Variants in SPG11 observed in about 807,000 individuals in gnomAD.
SPG11 encodes spatacsin.
SPG11 carries 222 observed loss-of-function variants against 274.0 expected under a neutral mutation model. The observed-to-expected ratio is 0.81, with a 90% CI of 0.73 to 0.91. SPG11 has a LOEUF of 0.91. SPG11 is among the 40% of genes least tolerant of loss of function. The pLI is 0.00. For synonymous variants in SPG11, 1,144 were observed against 1,039.7 expected (o/e 1.10, Z -1.93); for missense variants, 3,114 against 2,872.7 (o/e 1.08, Z -1.92).
chr15:44,569,342 G>C lies in SPG11; in HGVS notation c.6585+56C>G. 2.4e-6 allele frequency: 3 copies of C among 1,249,080 alleles called. No individual in the cohort carries two copies. The East Asian group carries it at 7.4e-5, about 31-fold the overall frequency. The allele number at this position is 1,249,080 out of a possible 1,614,324, so 77.4% of individuals were successfully genotyped here. On this transcript the variant is annotated intron_variant, in intron 35 of 39. Transcript: ENST00000261866. ...TGAGATTATTCCTGAGAAAAGCTGA[G>C]GCTCCTGAATTATCAGCAGTACACC...
At chr15:44,604,200 A>G in intron 20 of SPG11, 1 of 142,546 alleles carries the variant, frequency 7.0e-6, no homozygotes, top group Non-Finnish European at 1.5e-5. Flanking sequence ...CCTGATTCCT[A>G]AAAAAAAAAA....
chr15:44,564,275 G>A (rs545096454), intron 39 of SPG11, among the ~76,000 whole-genome samples: 1 of 152,342 alleles, frequency 6.6e-6, no homozygotes, highest in East Asian at 1.9e-4. Flanking sequence ...TTACAGGCAT[G>A]AGCCACTGGG....
intron 38 of SPG11, among the ~76,000 whole-genome samples, chr15:44,565,274 C>CT (rs1255329201): frequency 2.6e-5 from 4 of 152,172 alleles, no homozygotes; most frequent in African/African-American, 9.7e-5. Flanking sequence ...CCTCAACTGT[C>CT]TTAAGGCAGT....
At position 44,573,580 on chromosome 15, in the gene SPG11, T is replaced by A; in HGVS notation, c.6172A>T (p.Thr2058Ser). 6.2e-7 allele frequency: 1 copy of A among 1,614,164 alleles called. No individual in the cohort carries two copies. The highest frequency in any genetic ancestry group is 2.2e-5 in the East Asian group (1 of 44,874). Residue 2058 changes from threonine (T) to serine (S), a missense_variant, in exon 32 of 40, where the codon ACA becomes TCA. By Grantham distance (58) the Thr-to-Ser change is moderately conservative. Coordinates refer to ENST00000261866, the MANE Select transcript of SPG11 (RefSeq NM_025137.4). ...TVAELVAEEV[T>S]RELLTSSQGT... Reference sequence around the variant, plus strand: ...TGTGATGAAGTAAGCAGCTCCCGTGTCACCTCTTCTGCCACGAGTTCAGCC... The same window carrying A: ...TGTGATGAAGTAAGCAGCTCCCGTGACACCTCTTCTGCCACGAGTTCAGCC...
rs147748770 is a variant in SPG11 at position 44,643,768 on chromosome 15, C to T, written c.1602+5098G>A. On this transcript the variant is annotated intron_variant, in intron 7 of 39. Transcript: ENST00000261866. ...CCAAAAAAACTGAGGAGGAACTCCT[C>T]CCCAACTCATTCTATGAGGCCAGCA... 2.1e-3 allele frequency among the ~76,000 whole-genome samples: 324 copies of T among 152,134 alleles called. 1 individual carries two copies. Among genetic ancestry groups the T allele is most frequent in the African/African-American group, 7.4e-3 (308 of 41,506 alleles).
chr15:44,627,555 GGAAAAAGGAGAC>G (rs2083937797), intron 10 of SPG11, among the ~76,000 whole-genome samples: 2 of 151,704 alleles, frequency 1.3e-5, no homozygotes, highest in East Asian at 3.9e-4. Flanking sequence ...GAAGGAGACA[GGAAAAAGGAGAC>G]AAAAAAGTAG....
chr15:44,652,112 A>G lies in SPG11; in HGVS notation c.1007+17T>C. 1 of 1,614,072 alleles carries G rather than the reference A, an allele frequency of 6.2e-7. No homozygotes were observed. Among genetic ancestry groups the G allele is most frequent in the Non-Finnish European group, 8.5e-7 (1 of 1,179,930 alleles). On this transcript the variant is annotated intron_variant, in intron 5 of 39. Coordinates refer to ENST00000261866, the MANE Select transcript of SPG11 (RefSeq NM_025137.4). ...AAAATAAGAACAATAAACTACATGA[A>G]AAGGAAGTTTCTGTACCTATCAATT...
At chr15:44,597,201 C>T in intron 23 of SPG11, 1 of 356,546 alleles carries the variant, frequency 2.8e-6, no homozygotes, top group Non-Finnish European at 5.3e-6. Context: ...GCAACCTCCG[C>T]CTCCTGGGTT....
At chr15:44,636,937 A>AACAAAC (rs1567180461) in intron 7 of SPG11, among the ~76,000 whole-genome samples, 1 of 119,302 alleles carries the variant, frequency 8.4e-6, no homozygotes, top group Non-Finnish European at 1.8e-5. Context: ...AAAAAAAAAA[A>AACAAAC]AAAAAAAAAA....
rs200320159 is a variant in SPG11 at position 44,652,308 on chromosome 15, T to A, written c.870-42A>T. On this transcript the variant is annotated intron_variant, in intron 4 of 39. Coordinates refer to ENST00000261866, the MANE Select transcript of SPG11 (RefSeq NM_025137.4). Reference sequence around the variant, plus strand: ...TGATAGACATATGAAAAAATGATGATCAAACCCAAATTTGTGTTACTACTG... The same window carrying A: ...TGATAGACATATGAAAAAATGATGAACAAACCCAAATTTGTGTTACTACTG... The A allele has an allele frequency of 3.0e-5, 48 of 1,609,586 alleles. No individual in the cohort carries two copies. The African/African-American group carries it at 5.6e-4, about 19-fold the overall frequency.
intron 7 of SPG11, among the ~76,000 whole-genome samples, chr15:44,641,051 G>C (rs1257224678): frequency 6.6e-6 from 1 of 152,136 alleles, no homozygotes; most frequent in East Asian, 1.9e-4. Flanking sequence ...AAAGTGCTCA[G>C]ACAAATGGTT....
At chr15:44,634,582 C>G (rs2084183550) in intron 7 of SPG11, among the ~76,000 whole-genome samples, 2 of 151,784 alleles carry the variant, frequency 1.3e-5, no homozygotes, top group Admixed American at 1.3e-4. Context: ...CTGCGCCCAG[C>G]CAGATTCTCA....
chr15:44,575,029 T>C lies in SPG11; in HGVS notation c.5879A>G (p.Asp1960Gly), dbSNP rs2082504986. 1.9e-6 allele frequency: 3 copies of C among 1,614,022 alleles called. No homozygotes were observed. The highest frequency in any genetic ancestry group is 2.2e-5 in the East Asian group (1 of 44,864). ...LRRVHSTSSL[D>G]SQKFVTVPSS... ...GGGCACTGTCACAAACTTCTGACTA[T>C]CCAGACTTGAAGCTGGAAGCAAATA... Residue 1960 changes from aspartate to glycine, a missense_variant, in exon 31 of 40, where the codon GAT becomes GGT. Asp to Gly is a moderately conservative substitution (Grantham distance 94, BLOSUM62 -1). Coordinates refer to ENST00000261866, the MANE Select transcript of SPG11 (RefSeq NM_025137.4).
At chr15:44,629,443 A>C (rs2083996680) in intron 8 of SPG11, 55 bp from the exon 9 acceptor site, 1 of 1,520,092 alleles carries the variant, frequency 6.6e-7, no homozygotes, top group African/African-American at 1.4e-5. Flanking sequence ...TCACAATAAA[A>C]TTAACATATC....
chr15:44,620,559 T>G, intron 14 of SPG11, 156 bp from the exon 15 acceptor site: 1 of 644,526 alleles, frequency 1.6e-6, no homozygotes, highest in Non-Finnish European at 2.6e-6. Flanking sequence ...TTCCTTTTTT[T>G]GAGACAGGAT....
chr15:44,598,090 A>G (rs996850972), intron 23 of SPG11, among the ~76,000 whole-genome samples, 175 bp downstream of exon 23: 1 of 152,224 alleles, frequency 6.6e-6, no homozygotes, highest in Non-Finnish European at 1.5e-5. Flanking sequence ...TGATGGCAAG[A>G]TGCAATTAAA....
At position 44,615,471 on chromosome 15, in the gene SPG11, A is replaced by G. The variant is rs750265770; in HGVS notation, c.2930T>C (p.Val977Ala). The G allele has an allele frequency of 1.7e-5, 28 of 1,614,116 alleles. No homozygotes were observed. The highest frequency in any genetic ancestry group is 2.2e-5 in the Non-Finnish European group (26 of 1,179,986). Residue 977 changes from valine (V) to alanine (A), a missense_variant, in exon 16 of 40, where the codon GTT (valine) becomes GCT (alanine). Coordinates refer to ENST00000261866, the MANE Select transcript of SPG11 (RefSeq NM_025137.4). ...ACCTTCTTTGGTCTTGTAGTTTTGAACAGGGAGGGTATCCTGTATTACACC... is the reference window on the plus strand; with the variant it reads ...ACCTTCTTTGGTCTTGTAGTTTTGAGCAGGGAGGGTATCCTGTATTACACC... Reference protein sequence around the residue: ...IGGVIQDTLPVQNYKTKEGWD... With the variant: ...IGGVIQDTLPAQNYKTKEGWD...
chr15:44,597,821 A>G (rs1279018291), intron 23 of SPG11, among the ~76,000 whole-genome samples: 1 of 152,238 alleles, frequency 6.6e-6, no homozygotes, highest in Non-Finnish European at 1.5e-5. Flanking sequence ...TTCAGCTTCC[A>G]TTATCAACTG....
intron 1 of SPG11, among the ~76,000 whole-genome samples, 193 bp from the exon 2 acceptor site, chr15:44,660,809 C>A (rs921848074): frequency 3.9e-5 from 6 of 152,122 alleles, no homozygotes; most frequent in African/African-American, 1.4e-4. Flanking sequence ...TACACCAACA[C>A]GAAAATACAG....
Sources: allele counts gnomAD v4.1 joint callset (sites outside exome capture counted in the v4.1 genomes callset), GRCh38; gene constraint gnomAD v4.1.1; transcripts MANE v1.5; gene names NCBI Gene and HGNC (gene_info 2026-07-23, HGNC 2026-07-21).